BCAR3: variants seen among roughly 807,000 people sequenced by gnomAD.
BCAR3 encodes breast cancer anti-estrogen resistance protein 3.
BCAR3 carries 37 observed loss-of-function variants against 80.1 expected under a neutral mutation model. The ratio of observed to expected loss-of-function variants is 0.46; its 90% confidence interval spans 0.36 to 0.61. The LOEUF (loss-of-function observed/expected upper bound fraction) is 0.61, where lower values mean the gene tolerates loss of function less well. Among genes scored for constraint, BCAR3 ranks in the 20% least tolerant of loss-of-function variants. BCAR3 has a pLI of 0.00. For missense variants in BCAR3, 978 were observed against 1,068.2 expected, an observed-to-expected ratio of 0.92 and a Z score of 1.18; for synonymous variants, 389 against 418.9, an observed-to-expected ratio of 0.93 and a Z score of 0.87.
At chr1:93,831,355 A>G (rs1412436308) in intron 2 of BCAR3, among the ~76,000 whole-genome samples, 4 of 152,044 alleles carry the variant, frequency 2.6e-5, no homozygotes, top group Non-Finnish European at 5.9e-5. Context: ...AAACCTCTTC[A>G]ACTCACACCT....
intron 2 of BCAR3, among the ~76,000 whole-genome samples, chr1:93,652,719 G>C (rs1041805926): frequency 4.6e-5 from 7 of 151,670 alleles, no homozygotes; most frequent in African/African-American, 1.7e-4. Flanking sequence ...ATCTCTACTT[G>C]CAACGGAGGG....
chr1:93,640,861 C>T (rs539487306), intron 3 of BCAR3, among the ~76,000 whole-genome samples: 1 of 152,136 alleles, frequency 6.6e-6, no homozygotes, highest in Non-Finnish European at 1.5e-5. Flanking sequence ...CAGACTGGCC[C>T]GTGGTAGGAG....
At chr1:93,618,874 T>C (rs1675218069) in intron 3 of BCAR3, among the ~76,000 whole-genome samples, 1 of 152,050 alleles carries the variant, frequency 6.6e-6, no homozygotes, top group South Asian at 2.1e-4. Flanking sequence ...CGCTTTACTA[T>C]GTTGTTCCGT....
intron 2 of BCAR3, among the ~76,000 whole-genome samples, chr1:93,674,220 G>A (rs1648354446): frequency 6.6e-6 from 1 of 152,172 alleles, no homozygotes; most frequent in African/African-American, 2.4e-5. Context: ...ACAGGTGCAT[G>A]GGAGTTAATT....
chr1:93,699,637 C>G (rs895374602), intron 3 of BCAR3, among the ~76,000 whole-genome samples: 1 of 152,256 alleles, frequency 6.6e-6, no homozygotes, highest in South Asian at 2.1e-4. Context: ...CTCCAGCCAG[C>G]CTTTCAACCC....
chr1:93,651,907 A>G lies in BCAR3; in HGVS notation c.318-9564T>C, dbSNP rs111380691. On this transcript the variant is annotated intron_variant, in intron 2 of 11. Transcript: ENST00000260502. ...TCTCATCAGGCCTGTGGAAGCATCC[A>G]CACCGGGTTCCCCATGTCAACATGT... Among the ~76,000 whole-genome samples the G allele has an allele frequency of 1.9e-3, 291 of 152,316 alleles. 1 individual carries two copies. Among genetic ancestry groups the G allele is most frequent in the African/African-American group, 6.4e-3 (266 of 41,556 alleles).
intron 3 of BCAR3, among the ~76,000 whole-genome samples, chr1:93,702,804 G>A (rs1381627336): frequency 6.6e-6 from 1 of 152,228 alleles, no homozygotes; most frequent in African/African-American, 2.4e-5. Context: ...GGAAGGAGAC[G>A]ACTTGCTCCT....
intron 5 of BCAR3, among the ~76,000 whole-genome samples, chr1:93,584,794 C>T (rs1484479880): frequency 6.6e-6 from 1 of 152,244 alleles, no homozygotes; most frequent in African/African-American, 2.4e-5. Context: ...AACACACTCG[C>T]TGTTATTCCT....
intron 2 of BCAR3, among the ~76,000 whole-genome samples, chr1:93,740,967 G>A (rs1039604226): frequency 1.3e-5 from 2 of 152,162 alleles, no homozygotes; most frequent in African/African-American, 4.8e-5. Context: ...CTCTGCAACC[G>A]GCTTTATTGA....
intron 11 of BCAR3, among the ~76,000 whole-genome samples, chr1:93,564,965 T>G (rs1672883106): frequency 6.6e-6 from 1 of 152,192 alleles, no homozygotes; most frequent in African/African-American, 2.4e-5. Flanking sequence ...ATTGCTGGGA[T>G]AGTTTGTTCT....
chr1:93,766,257 C>G (rs1415351160), intron 2 of BCAR3, among the ~76,000 whole-genome samples: 1 of 152,208 alleles, frequency 6.6e-6, no homozygotes, highest in Non-Finnish European at 1.5e-5. Context: ...CCCCTCCTAA[C>G]TCATCCAGAG....
At chr1:93,729,303 C>T (rs1401637214) in intron 2 of BCAR3, among the ~76,000 whole-genome samples, 1 of 151,672 alleles carries the variant, frequency 6.6e-6, no homozygotes, top group Non-Finnish European at 1.5e-5. Flanking sequence ...TCACGTTAGC[C>T]TAGAGTTGGG....
In BCAR3 at chr1:93,609,220, A is replaced by G. The variant is rs143582540; in HGVS notation, c.358-16827T>C. Among the ~76,000 whole-genome samples, 216 of 152,296 alleles carry G rather than the reference A, an allele frequency of 1.4e-3. 1 individual carries two copies. Among genetic ancestry groups the G allele is most frequent in the African/African-American group, 4.2e-3 (175 of 41,550 alleles). The stretch of plus-strand genomic sequence containing the variant: ...GGGGAAATGACTTTAAAGGAAAACA[A>G]AAAAGAAACAATACTACATAGCACT... On this transcript the variant is annotated intron_variant, in intron 3 of 11. Transcript: ENST00000260502.
At chr1:93,771,558 C>A (rs1047551683) in intron 2 of BCAR3, among the ~76,000 whole-genome samples, 2 of 152,132 alleles carry the variant, frequency 1.3e-5, no homozygotes, top group African/African-American at 2.4e-5. Flanking sequence ...GCATCAAGGG[C>A]AGATTTGGAA....
At chr1:93,585,456 T>C (rs1673902758) in intron 5 of BCAR3, among the ~76,000 whole-genome samples, 2 of 142,652 alleles carry the variant, frequency 1.4e-5, no homozygotes, top group Non-Finnish European at 3.1e-5. Context: ...GACTTAGTCT[T>C]TTTTTCATTT....
intron 2 of BCAR3, among the ~76,000 whole-genome samples, chr1:93,786,219 A>AAAAAAAAG (rs1557688155): frequency 6.7e-6 from 1 of 148,780 alleles, no homozygotes; most frequent in Non-Finnish European, 1.5e-5. Context: ...AAAAAAAAAA[A>AAAAAAAAG]GTGCCATGCA....
At chr1:93,821,257 A>C (rs1245482236) in intron 2 of BCAR3, among the ~76,000 whole-genome samples, 1 of 152,116 alleles carries the variant, frequency 6.6e-6, no homozygotes, top group African/African-American at 2.4e-5. Flanking sequence ...ATTCCATTGA[A>C]GTTCAGAGAT....
chr1:93,742,027 C>T (rs1051651729), intron 2 of BCAR3, among the ~76,000 whole-genome samples: 2 of 152,192 alleles, frequency 1.3e-5, no homozygotes, highest in Non-Finnish European at 2.9e-5. Context: ...CTGCCTCCAC[C>T]ACATGGTGTT....
intron 2 of BCAR3, among the ~76,000 whole-genome samples, chr1:93,818,083 A>C (rs888149703): frequency 5.9e-5 from 9 of 152,142 alleles, no homozygotes; most frequent in African/African-American, 1.9e-4. Flanking sequence ...GGTACTCTTA[A>C]TACTGCTGAC....
Sources: gnomAD v4.1 joint callset for allele counts (sites outside exome capture counted in the v4.1 genomes callset) on GRCh38, gnomAD v4.1.1 for gene constraint, MANE v1.5 for transcripts, NCBI Gene and HGNC (gene_info 2026-07-23, HGNC 2026-07-21) for gene names.